SMCHD1: variants seen among roughly 807,000 people sequenced by gnomAD.
SMCHD1 encodes the protein structural maintenance of chromosomes flexible hinge domain containing 1.
Under a neutral mutation model 254.7 loss-of-function variants are expected in SMCHD1, and 78 were observed. That is an observed-to-expected ratio of 0.31 (90% CI 0.26 to 0.37). The LOEUF (loss-of-function observed/expected upper bound fraction) is 0.37. Ranked by LOEUF, SMCHD1 falls within the 10% of genes least tolerant of loss-of-function variation. The pLI, the probability that SMCHD1 is intolerant of heterozygous loss-of-function variation, is 1.00. For synonymous variants in SMCHD1, 766 were observed against 794.9 expected, an observed-to-expected ratio of 0.96 and a Z score of 0.61; for missense variants, 1,840 against 2,408.1, an observed-to-expected ratio of 0.76 and a Z score of 4.94.
rs1223288995 is a variant in SMCHD1 at position 2,804,754 on chromosome 18, G to GTGTT, written c.*2204_*2207dup. ...TACCAAATAATAATAAATTGCTTTT[G>GTGTT]TGTTTAATATGTAACACGTAAGAAC... On this transcript the variant is annotated 3_prime_UTR_variant, in exon 48 of 48. Coordinates refer to ENST00000320876, the MANE Select transcript of SMCHD1 (RefSeq NM_015295.3). 6.6e-6 allele frequency: 1 copy of GTGTT among 152,106 alleles called. No individual in the cohort carries two copies. The highest frequency in any genetic ancestry group is 1.9e-4 in the East Asian group (1 of 5,200). The allele number at this position is 152,106 out of a possible 1,614,324, so 9.4% of individuals were successfully genotyped here.
intron 17 of SMCHD1, among the ~76,000 whole-genome samples, chr18:2,713,834 G>A (rs1355977991): frequency 1.3e-5 from 2 of 152,160 alleles, no homozygotes; most frequent in Non-Finnish European, 2.9e-5. Flanking sequence ...GGTCCAAGAA[G>A]TTACTTGATA....
intron 10 of SMCHD1, 49 bp downstream of exon 10, chr18:2,698,090 G>A: frequency 7.1e-7 from 1 of 1,417,686 alleles, no homozygotes; most frequent in East Asian, 2.4e-5. Flanking sequence ...TGTAATTTAG[G>A]ACAGTGATTT....
chr18:2,781,565 A>G (rs2076157085), intron 44 of SMCHD1, among the ~76,000 whole-genome samples: 1 of 152,202 alleles, frequency 6.6e-6, no homozygotes, highest in African/African-American at 2.4e-5. Context: ...TCAAAAAATG[A>G]AAGTGTTGAA....
intron 34 of SMCHD1, among the ~76,000 whole-genome samples, chr18:2,756,101 TA>T (rs765252802): frequency 3.3e-5 from 5 of 152,224 alleles, no homozygotes; most frequent in Admixed American, 2.0e-4. Context: ...CACTATGTGA[TA>T]TTTTTCCTTT....
intron 37 of SMCHD1, among the ~76,000 whole-genome samples, chr18:2,767,514 T>C (rs1568344707): frequency 6.6e-6 from 1 of 151,868 alleles, no homozygotes; most frequent in Non-Finnish European, 1.5e-5. Context: ...TGTGCAAATA[T>C]CGTAGAGTAT....
intron 5 of SMCHD1, among the ~76,000 whole-genome samples, chr18:2,678,848 TTTTTTTG>T (rs763395130): frequency 0.68 from 85,504 of 125,168 alleles, 28,023 homozygotes; most frequent in Non-Finnish European, 0.78. Context: ...TGTTTGTTTG[TTTTTTTG>T]TTTTTTTTTT....
chr18:2,673,510 G>A (rs778611613), intron 4 of SMCHD1, 147 bp downstream of exon 4: 98 of 642,790 alleles, frequency 1.5e-4, no homozygotes, highest in African/African-American at 7.4e-5. Flanking sequence ...ATTTTTTCAC[G>A]TTTTTTTCCT....
intron 7 of SMCHD1, among the ~76,000 whole-genome samples, chr18:2,693,027 A>T (rs574206143): frequency 6.6e-6 from 1 of 152,216 alleles, no homozygotes; most frequent in African/African-American, 2.4e-5. Context: ...CAATTAGTGT[A>T]TAGAGATGCA....
chr18:2,717,105 C>T (rs2074817466), intron 17 of SMCHD1, among the ~76,000 whole-genome samples: 1 of 152,168 alleles, frequency 6.6e-6, no homozygotes, highest in African/African-American at 2.4e-5. Context: ...TCTGTGCAGC[C>T]CGCTGTGACT....
At chr18:2,687,038 A>G (rs2074067191) in intron 5 of SMCHD1, among the ~76,000 whole-genome samples, 1 of 151,774 alleles carries the variant, frequency 6.6e-6, no homozygotes, top group Non-Finnish European at 1.5e-5. Flanking sequence ...TAACATGCAT[A>G]TTTAACTTTA....
rs35375743 is a variant in SMCHD1, at chr18:2,775,524, TG to T, written c.5176-208del. Among the ~76,000 whole-genome samples the T allele has an allele frequency of 0.39, 58,915 of 151,812 alleles. 11,955 individuals carry two copies. Among genetic ancestry groups the T allele is most frequent in the Non-Finnish European group, 0.45 (30,690 of 67,918 alleles). Reference sequence around the variant, plus strand: ...TTTATTTGCTCATTTGCAACTTTACTGGAGTTTAATCTTTAGAAAAAGAAAT... The same window carrying T: ...TTTATTTGCTCATTTGCAACTTTACTGAGTTTAATCTTTAGAAAAAGAAAT... On this transcript the variant is annotated intron_variant, in intron 41 of 47. Coordinates refer to ENST00000320876, the MANE Select transcript of SMCHD1 (RefSeq NM_015295.3).
rs745614433 is a variant in SMCHD1 at position 2,760,634 on chromosome 18, A to C, written c.4347-18A>C. On this transcript the variant is annotated intron_variant, in intron 34 of 47. Coordinates refer to ENST00000320876, the MANE Select transcript of SMCHD1 (RefSeq NM_015295.3). ...TATACAAACATTGTCAGTAATCTTA[A>C]CTTTCTTTTAAATTTAGGGATAAAG... is the stretch of plus-strand genomic sequence containing the variant. 56 of 1,350,442 alleles carry C rather than the reference A, an allele frequency of 4.1e-5. No homozygotes were observed. Among genetic ancestry groups the C allele is most frequent in the Non-Finnish European group, 5.7e-5 (54 of 941,870 alleles). 83.7% of individuals were successfully genotyped at this position (1,350,442 alleles called of 1,614,324 possible). A position where few individuals can be genotyped will look rare whatever the true frequency, so the allele number is the denominator to read the frequency against.
At chr18:2,774,263 T>C (rs1318468459) in intron 41 of SMCHD1, among the ~76,000 whole-genome samples, 1 of 152,216 alleles carries the variant, frequency 6.6e-6, no homozygotes, top group African/African-American at 2.4e-5. Flanking sequence ...TTACATTTCA[T>C]TTGCCTCTAC....
Position 2,738,420 on chromosome 18 carries a change from C to T in SMCHD1, c.3300C>T (p.Asn1100=). Reference sequence around the variant, plus strand: ...AGGTTAATTGGACTCCTGAGATTAACAAAGAACACTTGCTACAGGGTCTGC... The same window carrying T: ...AGGTTAATTGGACTCCTGAGATTAATAAAGAACACTTGCTACAGGGTCTGC... ...KIKVNWTPEI[N]KEHLLQGLLP... The change falls in exon 26 of 48, where the codon AAC becomes AAT. Residue 1100 remains asparagine (N), a synonymous_variant. Transcript: ENST00000320876. The T allele has an allele frequency of 6.2e-7, 1 of 1,605,966 alleles. No homozygotes were observed. The highest frequency in any genetic ancestry group is 1.7e-5 in the Admixed American group (1 of 58,650).
chr18:2,746,451 A>G (rs948263005), intron 29 of SMCHD1, among the ~76,000 whole-genome samples: 2 of 152,206 alleles, frequency 1.3e-5, no homozygotes, highest in African/African-American at 4.8e-5. Context: ...GAAATACTGT[A>G]TGTTTACATT....
At chr18:2,712,602 A>G (rs915589796) in intron 17 of SMCHD1, among the ~76,000 whole-genome samples, 1 of 152,200 alleles carries the variant, frequency 6.6e-6, no homozygotes, top group Non-Finnish European at 1.5e-5. Flanking sequence ...ATTTTGGTAT[A>G]CATGGGGATC....
In SMCHD1 at chr18:2,776,215, A is replaced by T. The variant is rs189538875; in HGVS notation, c.5366+291A>T. ...ACATAAAAACACACAAAGACATAAT[A>T]TTTTTTTTTAAATTTTTTAATTTTT... On this transcript the variant is annotated intron_variant, in intron 42 of 47. Coordinates refer to ENST00000320876, the MANE Select transcript of SMCHD1 (RefSeq NM_015295.3). 2.4e-4 allele frequency among the ~76,000 whole-genome samples: 36 copies of T among 151,750 alleles called. No homozygotes were observed. The East Asian group carries it at 5.4e-3, about 23-fold the overall frequency.
chr18:2,772,172 T>C (rs1291206839), intron 40 of SMCHD1, 78 bp from the exon 41 acceptor site: 4 of 1,230,942 alleles, frequency 3.2e-6, no homozygotes, highest in Non-Finnish European at 1.0e-6. Context: ...AAATTGTTAA[T>C]TTTTCTCCAC....
At chr18:2,708,894 ATATATATATATAT>A (rs1568198581) in intron 17 of SMCHD1, among the ~76,000 whole-genome samples, 1,073 of 76,918 alleles carry the variant, frequency 0.014, 206 homozygotes, top group African/African-American at 0.043. Context: ...ATATATATAT[ATATATATATATAT>A]AACATATTAA....
Sources: allele counts gnomAD v4.1 joint callset (sites outside exome capture counted in the v4.1 genomes callset), GRCh38; gene constraint gnomAD v4.1.1; transcripts MANE v1.5; gene names NCBI Gene and HGNC (gene_info 2026-07-23, HGNC 2026-07-21).